The following MPPED2 variants were observed in gnomAD, a reference collection of about 807,000 sequenced individuals.
MPPED2 encodes metallophosphoesterase MPPED2.
Under a neutral mutation model 33.0 loss-of-function variants are expected in MPPED2, and 5 were observed. The observed-to-expected ratio is 0.15, with a 90% CI of 0.08 to 0.32. The LOEUF (loss-of-function observed/expected upper bound fraction) is 0.32. Among genes scored for constraint, MPPED2 ranks in the 10% least tolerant of loss-of-function variants. MPPED2 has a pLI of 1.00. For missense variants in MPPED2, 275 were observed against 372.1 expected, an observed-to-expected ratio of 0.74 and a Z score of 2.15; for synonymous variants, 136 against 141.9, an observed-to-expected ratio of 0.96 and a Z score of 0.29.
chr11:30,394,195 T>A, intron 6 of MPPED2, among the ~76,000 whole-genome samples: 1 of 152,206 alleles, frequency 6.6e-6, no homozygotes, highest in East Asian at 1.9e-4. Context: ...TTGGATTGTT[T>A]CAGTTTTTGG....
At chr11:30,521,630 C>T (rs537119757) in intron 3 of MPPED2, among the ~76,000 whole-genome samples, 1 of 152,342 alleles carries the variant, frequency 6.6e-6, no homozygotes, top group African/African-American at 2.4e-5. Context: ...GGACACCACG[C>T]CGTATCTTTT....
At chr11:30,485,320 G>C (rs1402906764) in intron 4 of MPPED2, among the ~76,000 whole-genome samples, 3 of 125,768 alleles carry the variant, frequency 2.4e-5, no homozygotes, top group Non-Finnish European at 5.6e-5. Context: ...TCTGGTACCT[G>C]TATGTGAATG....
At chr11:30,397,968 TCTC>T (rs1947859487) in intron 6 of MPPED2, among the ~76,000 whole-genome samples, 1 of 152,106 alleles carries the variant, frequency 6.6e-6, no homozygotes, top group East Asian at 1.9e-4. Flanking sequence ...TCTTGCAAGA[TCTC>T]TTAGCTTGAC....
intron 4 of MPPED2, among the ~76,000 whole-genome samples, chr11:30,454,373 A>T (rs1950189982): frequency 6.6e-6 from 1 of 152,198 alleles, no homozygotes; most frequent in Non-Finnish European, 1.5e-5. Flanking sequence ...CATCAGTTTA[A>T]CAATACACAG....
intron 2 of MPPED2, among the ~76,000 whole-genome samples, chr11:30,550,452 A>C (rs1955650700): frequency 6.6e-6 from 1 of 152,162 alleles, no homozygotes; most frequent in Non-Finnish European, 1.5e-5. Flanking sequence ...ATGGCCTTGC[A>C]GAGGGGATGT....
intron 4 of MPPED2, among the ~76,000 whole-genome samples, chr11:30,435,460 T>C (rs1314878565): frequency 6.6e-6 from 1 of 152,216 alleles, no homozygotes; most frequent in Non-Finnish European, 1.5e-5. Flanking sequence ...TGACACTCGA[T>C]CACAGTGGCT....
intron 4 of MPPED2, among the ~76,000 whole-genome samples, chr11:30,428,342 A>G (rs1948934611): frequency 2.0e-5 from 3 of 152,194 alleles, no homozygotes; most frequent in African/African-American, 4.8e-5. Flanking sequence ...CCAAGAGGTG[A>G]GCAAAGTATT....
At chr11:30,473,458 T>C (rs890684608) in intron 4 of MPPED2, among the ~76,000 whole-genome samples, 1 of 152,184 alleles carries the variant, frequency 6.6e-6, no homozygotes, top group African/African-American at 2.4e-5. Context: ...AAAACTTCAA[T>C]GGCAAGAGAT....
intron 6 of MPPED2, among the ~76,000 whole-genome samples, chr11:30,392,856 A>G (rs1196818365): frequency 1.3e-5 from 2 of 152,216 alleles, no homozygotes; most frequent in Non-Finnish European, 2.9e-5. Context: ...AGAAGTGCCT[A>G]TTTTAAAATG....
chr11:30,463,109 T>A (rs1950572976), intron 4 of MPPED2, among the ~76,000 whole-genome samples: 1 of 152,184 alleles, frequency 6.6e-6, no homozygotes, highest in South Asian at 2.1e-4. Flanking sequence ...AAGTGAGAAA[T>A]CTCTACCACC....
At chr11:30,550,083 G>A (rs1358303554) in intron 2 of MPPED2, among the ~76,000 whole-genome samples, 1 of 152,122 alleles carries the variant, frequency 6.6e-6, no homozygotes, top group Non-Finnish European at 1.5e-5. Flanking sequence ...AATGGGCAAT[G>A]CCCCCCAATG....
At chr11:30,393,889 G>A (rs1045722079) in intron 6 of MPPED2, among the ~76,000 whole-genome samples, 3 of 152,092 alleles carry the variant, frequency 2.0e-5, no homozygotes, top group Non-Finnish European at 2.9e-5. Context: ...TACCACAATC[G>A]GGATACAAAA....
intron 4 of MPPED2, among the ~76,000 whole-genome samples, chr11:30,441,949 T>C (rs1221991299): frequency 6.6e-6 from 1 of 152,248 alleles, no homozygotes; most frequent in Non-Finnish European, 1.5e-5. Context: ...TGTTTACCAC[T>C]GTATCCTTAC....
chr11:30,560,243 T>C (rs1390209848), intron 2 of MPPED2, among the ~76,000 whole-genome samples: 1 of 152,020 alleles, frequency 6.6e-6, no homozygotes, highest in African/African-American at 2.4e-5. Context: ...TAAGGATACC[T>C]CTTAAAGGGT....
intron 2 of MPPED2, among the ~76,000 whole-genome samples, chr11:30,545,974 C>T (rs1353623364): frequency 6.6e-6 from 1 of 152,190 alleles, no homozygotes; most frequent in African/African-American, 2.4e-5. Flanking sequence ...ATTCTCTTGC[C>T]TCAGCCTCCT....
chr11:30,451,698 A>G (rs1414611431), intron 4 of MPPED2: 19 of 966,444 alleles, frequency 2.0e-5, no homozygotes, highest in Admixed American at 6.2e-5. Flanking sequence ...TATTTCAAAA[A>G]CATTAGAGAA....
chr11:30,411,488 G>T lies in MPPED2; in HGVS notation c.865C>A (p.Pro289Thr). 1 of 1,613,598 alleles carries T rather than the reference G, an allele frequency of 6.2e-7. No homozygotes were observed. Among genetic ancestry groups the T allele is most frequent in the Non-Finnish European group, 8.5e-7 (1 of 1,179,606 alleles). ...PTNPPIIFDL[P>T]NPQGS ...GAGCTTCAGGAACCCTGTGGGTTTG[G>T]AAGGTCAAATATAATTGGAGGGTTG... Residue 289 changes from proline to threonine, a missense_variant, in exon 7 of 7, where the codon CCA becomes ACA. Pro to Thr is a conservative substitution (Grantham distance 38, BLOSUM62 -1). Transcript: ENST00000358117.
chr11:30,453,069 C>T (rs1292723469), intron 4 of MPPED2, among the ~76,000 whole-genome samples: 2 of 152,116 alleles, frequency 1.3e-5, no homozygotes, highest in Non-Finnish European at 2.9e-5. Context: ...GCAAACACAA[C>T]CCTTGAACTT....
chr11:30,533,154 ACAGCCC>A (rs1159595360), intron 3 of MPPED2, among the ~76,000 whole-genome samples: 3 of 152,226 alleles, frequency 2.0e-5, no homozygotes, highest in African/African-American at 7.2e-5. Context: ...TTGGAGTCAG[ACAGCCC>A]CATGTCTACT....
Sources: allele counts gnomAD v4.1 joint callset (sites outside exome capture counted in the v4.1 genomes callset), GRCh38; gene constraint gnomAD v4.1.1; transcripts MANE v1.5; gene names NCBI Gene and HGNC (gene_info 2026-07-23, HGNC 2026-07-21).